Variants in ARHGAP15 observed in about 807,000 individuals in gnomAD.
The protein encoded by ARHGAP15 is rho GTPase-activating protein 15.
Under a neutral mutation model 63.7 loss-of-function variants are expected in ARHGAP15, and 51 were observed. That is an observed-to-expected ratio of 0.80 (90% CI 0.64 to 1.01). The LOEUF is 1.01. Ranked by LOEUF, ARHGAP15 falls within the 50% of genes least tolerant of loss-of-function variation. The probability of loss-of-function intolerance (pLI) is 0.00; values close to 1 mark genes in which losing one functional copy is unlikely to be tolerated. For missense variants in ARHGAP15, 560 were observed against 564.6 expected, an observed-to-expected ratio of 0.99 and a Z score of 0.08; for synonymous variants, 191 against 193.8, an observed-to-expected ratio of 0.99 and a Z score of 0.12.
chr2:143,590,659 G>A (rs1008347057), intron 11 of ARHGAP15, among the ~76,000 whole-genome samples: 5 of 151,882 alleles, frequency 3.3e-5, no homozygotes, highest in South Asian at 2.1e-4. Flanking sequence ...TTCCAGAATC[G>A]CCTTCTATAA....
chr2:143,571,949 C>T, intron 11 of ARHGAP15: 1 of 152,184 alleles, frequency 6.6e-6, no homozygotes, highest in East Asian at 1.9e-4. Flanking sequence ...GAGCTCACCT[C>T]CTTGACACAG....
chr2:143,728,520 T>C (rs1288757392), intron 13 of ARHGAP15, among the ~76,000 whole-genome samples: 1 of 152,192 alleles, frequency 6.6e-6, no homozygotes, highest in South Asian at 2.1e-4. Context: ...ATGTATTTAT[T>C]TGAGCCCCAA....
At chr2:143,746,828 A>G (rs1441065770) in intron 13 of ARHGAP15, among the ~76,000 whole-genome samples, 3 of 152,204 alleles carry the variant, frequency 2.0e-5, no homozygotes, top group Admixed American at 2.0e-4. Flanking sequence ...AAGTCTTCCT[A>G]GTAGAGACAT....
chr2:143,504,055 C>T (rs1693192487), intron 9 of ARHGAP15, among the ~76,000 whole-genome samples: 1 of 152,020 alleles, frequency 6.6e-6, no homozygotes, highest in Non-Finnish European at 1.5e-5. Flanking sequence ...TAAACTGAGC[C>T]TTGAATTAGA....
intron 6 of ARHGAP15, among the ~76,000 whole-genome samples, chr2:143,381,330 A>C (rs144958172): frequency 2.0e-5 from 3 of 151,898 alleles, no homozygotes; most frequent in South Asian, 2.1e-4. Flanking sequence ...TCCCTTCTTT[A>C]CCCTCATCTT....
At chr2:143,622,781 T>C (rs145702921) in intron 11 of ARHGAP15, among the ~76,000 whole-genome samples, 152 of 109,024 alleles carry the variant, frequency 1.4e-3, no homozygotes, top group African/African-American at 5.2e-3. Context: ...TTCATTTATT[T>C]AAAAAAAAAA....
rs369534497 is a variant in ARHGAP15 at position 143,202,130 on chromosome 2, G to A, written c.166-4G>A. 3 of 1,608,174 alleles carry A rather than the reference G, an allele frequency of 1.9e-6. No individual in the cohort carries two copies. The highest frequency in any genetic ancestry group is 2.6e-6 in the Non-Finnish European group (3 of 1,175,446). ...AATAATATCCAATGTCAATATATTT[G>A]CAGATATCCAGACACAGAAGGAATC... On this transcript the variant is annotated splice_region_variant and splice_polypyrimidine_tract_variant and intron_variant, in intron 2 of 13. Coordinates refer to ENST00000295095, the MANE Select transcript of ARHGAP15 (RefSeq NM_018460.4).
At chr2:143,199,272 G>A (rs1473327625) in intron 2 of ARHGAP15, among the ~76,000 whole-genome samples, 1 of 151,890 alleles carries the variant, frequency 6.6e-6, no homozygotes, top group Non-Finnish European at 1.5e-5. Context: ...ATCAACTATG[G>A]GTAACATATT....
chr2:143,728,525 C>T (rs2105478598), intron 13 of ARHGAP15, among the ~76,000 whole-genome samples: 1 of 152,276 alleles, frequency 6.6e-6, no homozygotes, highest in East Asian at 1.9e-4. Context: ...TTTATTTGAG[C>T]CCCAAACTAA....
At chr2:143,636,294 C>A (rs948779836) in intron 12 of ARHGAP15, among the ~76,000 whole-genome samples, 1 of 152,118 alleles carries the variant, frequency 6.6e-6, no homozygotes, top group African/African-American at 2.4e-5. Context: ...TCTTTGACAC[C>A]TTGTGTGTAT....
At chr2:143,443,373 G>C (rs1273743167) in intron 8 of ARHGAP15, among the ~76,000 whole-genome samples, 2 of 151,660 alleles carry the variant, frequency 1.3e-5, no homozygotes, top group Non-Finnish European at 2.9e-5. Flanking sequence ...GAATATCATG[G>C]GTTATTATAT....
At chr2:143,636,299 G>C (rs1044785893) in intron 12 of ARHGAP15, among the ~76,000 whole-genome samples, 2 of 152,108 alleles carry the variant, frequency 1.3e-5, no homozygotes, top group African/African-American at 4.8e-5. Flanking sequence ...GACACCTTGT[G>C]TGTATTATTC....
intron 11 of ARHGAP15, among the ~76,000 whole-genome samples, chr2:143,557,509 T>C (rs1695858606): frequency 1.3e-5 from 2 of 151,972 alleles, no homozygotes; most frequent in Admixed American, 1.3e-4. Context: ...GCACAGGGGA[T>C]TTTGAGGGCA....
At chr2:143,535,146 G>C (rs147503761) in intron 10 of ARHGAP15, among the ~76,000 whole-genome samples, 1 of 151,840 alleles carries the variant, frequency 6.6e-6, no homozygotes, top group East Asian at 1.9e-4. Context: ...CTTTTTTTCT[G>C]TGTCTTGGTG....
intron 13 of ARHGAP15, among the ~76,000 whole-genome samples, chr2:143,739,852 CCT>C (rs1472061484): frequency 5.3e-5 from 8 of 152,222 alleles, no homozygotes; most frequent in Admixed American, 5.2e-4. Flanking sequence ...AATAGGTGCC[CCT>C]GTTACTAAAA....
intron 10 of ARHGAP15, among the ~76,000 whole-genome samples, chr2:143,529,786 T>A (rs185226880): frequency 0.049 from 7,443 of 152,136 alleles, 259 homozygotes; most frequent in Middle Eastern, 0.075. Flanking sequence ...TCCATAACCA[T>A]CCCGCCATGA....
intron 5 of ARHGAP15, among the ~76,000 whole-genome samples, chr2:143,234,759 G>T (rs1693575915): frequency 6.6e-6 from 1 of 151,938 alleles, no homozygotes; most frequent in African/African-American, 2.4e-5. Flanking sequence ...CATTATTCTG[G>T]GTTTGATTGA....
intron 12 of ARHGAP15, among the ~76,000 whole-genome samples, chr2:143,656,841 G>A (rs1681460086): frequency 6.6e-6 from 1 of 151,940 alleles, no homozygotes; most frequent in Admixed American, 6.6e-5. Context: ...ACATTTAACT[G>A]GGTCAGACCT....
rs376910340 is a variant in ARHGAP15, at chr2:143,311,032, GGTT to G, written c.474+60436_474+60438del. Among the ~76,000 whole-genome samples, 27 of 151,988 alleles carry G rather than the reference GGTT, an allele frequency of 1.8e-4. No individual in the cohort carries two copies. In the South Asian group the frequency reaches 5.2e-3, roughly 29 times the overall value. On this transcript the variant is annotated intron_variant, in intron 6 of 13. Transcript: ENST00000295095. ...AAACATATCTCTGGCTATTTTTAAG[GGTT>G]GTTATTTTTTCTCAAAATATGAACT...
Sources: gnomAD v4.1 joint callset for allele counts (sites outside exome capture counted in the v4.1 genomes callset) on GRCh38, gnomAD v4.1.1 for gene constraint, MANE v1.5 for transcripts, NCBI Gene and HGNC (gene_info 2026-07-23, HGNC 2026-07-21) for gene names.